CSTL1: variants seen among roughly 807,000 people sequenced by gnomAD.
CSTL1 encodes the protein cystatin-like 1.
CSTL1 carries 14 observed loss-of-function variants against 14.4 expected under a neutral mutation model. The observed-to-expected ratio is 0.97, with a 90% CI of 0.64 to 1.52. The LOEUF is 1.52. CSTL1 is among the 40% of genes most tolerant of loss of function. The probability of loss-of-function intolerance (pLI) is 0.00; values close to 1 mark genes in which losing one functional copy is unlikely to be tolerated. For synonymous variants in CSTL1, 72 were observed against 67.5 expected (o/e 1.07, Z -0.33); for missense variants, 170 against 168.7 (o/e 1.01, Z -0.04).
downstream of CSTL1, among the ~76,000 whole-genome samples, chr20:23,445,355 T>G (rs576772128): frequency 6.6e-6 from 1 of 151,904 alleles, no homozygotes; most frequent in East Asian, 1.9e-4. Context: ...CGGGCTCAAG[T>G]GATTCTTTCA....
At chr20:23,446,515 C>T (rs1170683645), downstream of CSTL1, among the ~76,000 whole-genome samples, 1 of 152,094 alleles carries the variant, frequency 6.6e-6, no homozygotes, top group East Asian at 1.9e-4. Flanking sequence ...CTCCGCCTCC[C>T]AAAGTGCTGG....
the CSTL1 span, chr20:23,450,613 A>C: frequency 6.3e-7 from 1 of 1,577,370 alleles, no homozygotes; most frequent in Non-Finnish European, 8.7e-7. Context: ...CAAAGGCAAT[A>C]TTTTAAAAGA....
In CSTL1 at chr20:23,440,431, C is replaced by T. The variant is rs1239290184; in HGVS notation, c.164C>T (p.Ala55Val). The T allele has an allele frequency of 3.7e-6, 6 of 1,614,084 alleles. No individual in the cohort carries two copies. The highest frequency in any genetic ancestry group is 5.1e-6 in the Non-Finnish European group (6 of 1,179,956). ...TTCTTCATTCAATCCTACAACAATG[C>T]CAGCAACGACACCTACTTATATCGA... ...LNFFIQSYNN[A>V]SNDTYLYRVQ... Residue 55 changes from alanine (A) to valine (V), a missense_variant, in exon 2 of 4, where the codon GCC becomes GTC. Physicochemically the swap from Ala to Val is moderately conservative, Grantham distance 64. Transcript: ENST00000347397.
At chr20:23,446,835 A>G (rs912125562), downstream of CSTL1, among the ~76,000 whole-genome samples, 4 of 152,200 alleles carry the variant, frequency 2.6e-5, no homozygotes, top group Non-Finnish European at 5.9e-5. Flanking sequence ...AACTTGAGGG[A>G]GTATTGCTAA....
At chr20:23,454,618 T>C in the CSTL1 span, among the ~76,000 whole-genome samples, 15 of 152,162 alleles carry the variant, frequency 9.9e-5, no homozygotes, top group Admixed American at 9.8e-4. Flanking sequence ...TGTCTCCACC[T>C]CCTGTCTGTG....
the CSTL1 span, among the ~76,000 whole-genome samples, chr20:23,460,307 G>A: frequency 1.3e-5 from 2 of 152,206 alleles, no homozygotes; most frequent in South Asian, 2.1e-4. Flanking sequence ...GGGTCATGGG[G>A]TGGCTGTCCT....
At chr20:23,447,331 A>G (rs901627711), downstream of CSTL1, among the ~76,000 whole-genome samples, 7 of 152,242 alleles carry the variant, frequency 4.6e-5, no homozygotes, top group African/African-American at 1.7e-4. Flanking sequence ...TTGTGTAAAT[A>G]TACCACAATT....
the CSTL1 span, among the ~76,000 whole-genome samples, chr20:23,453,540 C>G: frequency 3.3e-5 from 5 of 152,094 alleles, no homozygotes; most frequent in Non-Finnish European, 5.9e-5. Context: ...ATGGGAGTCC[C>G]CAGACTTGGC....
chr20:23,449,886 TTG>T (rs1987038575), downstream of CSTL1, among the ~76,000 whole-genome samples: 1 of 152,180 alleles, frequency 6.6e-6, no homozygotes, highest in Non-Finnish European at 1.5e-5. Flanking sequence ...CAGACCTGGT[TTG>T]GTCCAGTGTT....
downstream of CSTL1, chr20:23,444,972 C>A: frequency 1.2e-6 from 1 of 801,866 alleles, no homozygotes; most frequent in Non-Finnish European, 2.2e-6. Context: ...CACACACACA[C>A]ATGCACACAC....
At chr20:23,443,484 T>A (rs1421057091) in intron 2 of CSTL1, among the ~76,000 whole-genome samples, 4 of 151,972 alleles carry the variant, frequency 2.6e-5, no homozygotes, top group Admixed American at 1.3e-4. Flanking sequence ...ATTCCAAAAC[T>A]GTTTTTAACT....
the CSTL1 span, chr20:23,452,559 G>A: frequency 2.1e-6 from 3 of 1,447,392 alleles, no homozygotes; most frequent in Non-Finnish European, 2.9e-6. Context: ...CAGGCCTGGG[G>A]AGAGGCGGGA....
chr20:23,446,315 G>T (rs1986965791), downstream of CSTL1, among the ~76,000 whole-genome samples: 1 of 151,816 alleles, frequency 6.6e-6, no homozygotes, highest in Admixed American at 6.6e-5. Flanking sequence ...GAGTGCCGTG[G>T]CACGATCTTG....
At chr20:23,460,796 T>C in the CSTL1 span, among the ~76,000 whole-genome samples, 1 of 152,174 alleles carries the variant, frequency 6.6e-6, no homozygotes, top group Non-Finnish European at 1.5e-5. Context: ...AAATTAAATT[T>C]TGGGGCCCCA....
chr20:23,448,578 C>T (rs1439865809), downstream of CSTL1, among the ~76,000 whole-genome samples: 2 of 152,222 alleles, frequency 1.3e-5, no homozygotes, highest in East Asian at 1.9e-4. Flanking sequence ...TCTCTACTAC[C>T]TTTGTAACTT....
chr20:23,455,860 C>T, the CSTL1 span, among the ~76,000 whole-genome samples: 1 of 152,210 alleles, frequency 6.6e-6, no homozygotes, highest in Non-Finnish European at 1.5e-5. Context: ...CCTGGCCCTG[C>T]ATGGGGAGGT....
the CSTL1 span, among the ~76,000 whole-genome samples, chr20:23,455,329 G>A: frequency 3.3e-5 from 5 of 152,228 alleles, no homozygotes; most frequent in South Asian, 1.0e-3. Flanking sequence ...AATTGAAACA[G>A]AATCTGACTC....
At chr20:23,458,220 A>T in the CSTL1 span, among the ~76,000 whole-genome samples, 19 of 152,226 alleles carry the variant, frequency 1.2e-4, no homozygotes, top group African/African-American at 4.3e-4. Context: ...CTTCCTCTCA[A>T]CCTGGTATAG....
downstream of CSTL1, among the ~76,000 whole-genome samples, chr20:23,447,707 C>T (rs972183814): frequency 7.2e-5 from 11 of 152,038 alleles, no homozygotes; most frequent in Admixed American, 6.5e-5. Flanking sequence ...GCGATCCACC[C>T]GCCTCGGCCT....
Sources: allele counts gnomAD v4.1 joint callset (sites outside exome capture counted in the v4.1 genomes callset), GRCh38; gene constraint gnomAD v4.1.1; transcripts MANE v1.5; gene names NCBI Gene and HGNC (gene_info 2026-07-23, HGNC 2026-07-21).